DHX33: variants seen among roughly 807,000 people sequenced by gnomAD.
DHX33 encodes ATP-dependent RNA helicase DHX33.
Under a neutral mutation model 72.5 loss-of-function variants are expected in DHX33, and 42 were observed. The ratio of observed to expected loss-of-function variants is 0.58; its 90% CI spans 0.45 to 0.75. DHX33 has a LOEUF of 0.75. DHX33 is among the 30% of genes least tolerant of loss of function. The pLI is 0.00. For synonymous variants in DHX33, 358 were observed against 366.1 expected (o/e 0.98, Z 0.25); for missense variants, 842 against 917.5 (o/e 0.92, Z 1.06).
At chr17:5,467,336 G>T (rs1904916237) in intron 1 of DHX33, among the ~76,000 whole-genome samples, 1 of 152,126 alleles carries the variant, frequency 6.6e-6, no homozygotes, top group Admixed American at 6.5e-5. Flanking sequence ...CCGAGACCAG[G>T]AAACTCTCCA....
chr17:5,461,031 C>T lies in DHX33; in HGVS notation c.757G>A (p.Gly253Ser), dbSNP rs777974803. 8.1e-6 allele frequency: 13 copies of T among 1,612,698 alleles called. No individual in the cohort carries two copies. Among genetic ancestry groups the T allele is most frequent in the Admixed American group, 1.7e-5 (1 of 59,858 alleles). ...AACACCTGGATCGGATGCTGCCGAC[C>T]CTCTAGGTAGAGGACGGGGGCGCCA... Reference protein sequence around the residue: ...FNGAPVLYLEGRQHPIQVFYT... With the variant: ...FNGAPVLYLESRQHPIQVFYT... The change falls in exon 4 of 12, where the codon GGT becomes AGT. Residue 253 changes from glycine (G) to serine (S), a missense_variant. Gly to Ser is a moderately conservative substitution (Grantham distance 56). Coordinates refer to ENST00000225296, the MANE Select transcript of DHX33 (RefSeq NM_020162.4).
chr17:5,457,364 T>C (rs1042491614), intron 4 of DHX33, among the ~76,000 whole-genome samples: 4 of 151,388 alleles, frequency 2.6e-5, no homozygotes, highest in Admixed American at 6.6e-5. Context: ...GGCTCATGCC[T>C]GTAACCCCAG....
rs540954359 is a variant in DHX33 at position 5,460,888 on chromosome 17, C to T, written c.849+51G>A. ...TTTCAAGGCTCAATGTTCTCACTAC[C>T]AACTGCAAGATAAAAGAGAACTTTT... On this transcript the variant is annotated intron_variant, in intron 4 of 11. Coordinates refer to ENST00000225296, the MANE Select transcript of DHX33 (RefSeq NM_020162.4). 3 of 1,565,562 alleles carry T rather than the reference C, an allele frequency of 1.9e-6. No homozygotes were observed. The South Asian group carries it at 3.5e-5, about 18-fold the overall frequency.
In DHX33 at chr17:5,442,657, AAG is replaced by A. The variant is rs1389203887; in HGVS notation, c.*1546_*1547del. 3 of 152,298 alleles carry A rather than the reference AAG, an allele frequency of 2.0e-5. No individual in the cohort carries two copies. The highest frequency in any genetic ancestry group is 7.2e-5 in the African/African-American group (3 of 41,572). 9.4% of individuals were successfully genotyped at this position (152,298 alleles called of 1,614,324 possible). A position where few individuals can be genotyped will look rare whatever the true frequency, so the allele number is the denominator to read the frequency against. On this transcript the variant is annotated 3_prime_UTR_variant, in exon 12 of 12. Transcript: ENST00000225296. ...GCTCCATCAGGCCACAGCTTCCAGA[AAG>A]AGAGCATCCATGATCTCTGAAGAGC...
At position 5,444,477 on chromosome 17, in the gene DHX33, C is replaced by T; in HGVS notation, c.1852G>A (p.Glu618Lys). The T allele has an allele frequency of 1.2e-6, 2 of 1,614,142 alleles. No individual in the cohort carries two copies. The highest frequency in any genetic ancestry group is 1.7e-6 in the Non-Finnish European group (2 of 1,180,034). The change falls in exon 12 of 12, where the codon GAG becomes AAG. Residue 618 changes from glutamate (E) to lysine (K), a missense_variant. Transcript: ENST00000225296. This position sits in a 1 kb window ranked among gnomAD's most constrained non-coding sequence, Gnocchi z 4.9. ...TGAGCCAGGCAGCGGCGGACACTCT[C>T]CACGTCTCCTCGGGATGATGCGATT... is the stretch of plus-strand genomic sequence containing the variant. ...MPIASSRGDVESVRRCLAHSL... is the reference protein window; with the variant it reads ...MPIASSRGDVKSVRRCLAHSL...
At position 5,447,797 on chromosome 17, in the gene DHX33, G is replaced by C. The variant is rs533895944; in HGVS notation, c.1815+1012C>G. Among the ~76,000 whole-genome samples the C allele has an allele frequency of 1.2e-4, 18 of 152,242 alleles. No homozygotes were observed. The South Asian group carries it at 3.5e-3, about 30-fold the overall frequency. On this transcript the variant is annotated intron_variant, in intron 11 of 11. Coordinates refer to ENST00000225296, the MANE Select transcript of DHX33 (RefSeq NM_020162.4). Reference sequence around the variant, plus strand: ...ATTAGAGGCTTAAATAAACTGCACTGAATACAATGAAATGCTATGAAATCA... The same window carrying C: ...ATTAGAGGCTTAAATAAACTGCACTCAATACAATGAAATGCTATGAAATCA...
Position 5,461,936 on chromosome 17 carries a change from C to CTTT in DHX33, c.678+380_678+382dup, listed in dbSNP as rs35332211. Among the ~76,000 whole-genome samples the CTTT allele has an allele frequency of 3.3e-3, 376 of 113,654 alleles. 8 individuals are homozygous for CTTT. Among genetic ancestry groups the CTTT allele is most frequent in the African/African-American group, 8.3e-3 (225 of 27,242 alleles). 74.6% of individuals were successfully genotyped at this position (113,654 alleles called of 152,430 possible). A position where few individuals can be genotyped will look rare whatever the true frequency, so the allele number is the denominator to read the frequency against. Reference sequence around the variant, plus strand: ...AGTTATGCTATTTAATGAACTTTCACTTTTTTTTTTTTTTTTTTTTTGAGA... The same window carrying CTTT: ...AGTTATGCTATTTAATGAACTTTCACTTTTTTTTTTTTTTTTTTTTTTTTGAGA... On this transcript the variant is annotated intron_variant, in intron 3 of 11. Transcript: ENST00000225296.
intron 4 of DHX33, 151 bp from the exon 5 acceptor site, chr17:5,456,333 G>C: frequency 2.3e-6 from 2 of 882,022 alleles, no homozygotes. Flanking sequence ...AGCTTGGAGA[G>C]AACCCTTACC....
In DHX33 at chr17:5,442,932, C is replaced by T. The variant is rs1916487901; in HGVS notation, c.*1273G>A. On this transcript the variant is annotated 3_prime_UTR_variant, in exon 12 of 12. Coordinates refer to ENST00000225296, the MANE Select transcript of DHX33 (RefSeq NM_020162.4). Reference sequence around the variant, plus strand: ...ACAGACTGTGGATATCCTCCAATTCCCTCTGACAATGAGGGTTAGAGAGAG... The same window carrying T: ...ACAGACTGTGGATATCCTCCAATTCTCTCTGACAATGAGGGTTAGAGAGAG... 1 of 152,116 alleles carries T rather than the reference C, an allele frequency of 6.6e-6. No individual in the cohort carries two copies. Among genetic ancestry groups the T allele is most frequent in the Non-Finnish European group, 1.5e-5 (1 of 68,030 alleles). The allele number at this position is 152,116 out of a possible 1,614,324, so 9.4% of individuals were successfully genotyped here.
chr17:5,451,994 G>C lies in DHX33; in HGVS notation c.1397-1060C>G, dbSNP rs568243264. Among the ~76,000 whole-genome samples, 11 of 146,712 alleles carry C rather than the reference G, an allele frequency of 7.5e-5. No individual in the cohort carries two copies. The East Asian group carries it at 1.9e-3, about 26-fold the overall frequency. On this transcript the variant is annotated intron_variant, in intron 8 of 11. Coordinates refer to ENST00000225296, the MANE Select transcript of DHX33 (RefSeq NM_020162.4). The stretch of plus-strand genomic sequence containing the variant: ...TGGTTTAGGGATACATACGCATATA[G>C]TAAAACAGTGAAGAAAAGCAAGGCA...
rs1168376026 is a variant in DHX33 at position 5,443,808 on chromosome 17, C to T, written c.*397G>A. 3 of 161,932 alleles carry T rather than the reference C, an allele frequency of 1.9e-5. No individual in the cohort carries two copies. The highest frequency in any genetic ancestry group is 3.7e-5 in the Non-Finnish European group (3 of 81,026). The allele number at this position is 161,932 out of a possible 1,614,324, so 10.0% of individuals were successfully genotyped here. A position where few individuals can be genotyped will look rare whatever the true frequency, so the allele number is the denominator to read the frequency against. On this transcript the variant is annotated 3_prime_UTR_variant, in exon 12 of 12. Coordinates refer to ENST00000225296, the MANE Select transcript of DHX33 (RefSeq NM_020162.4). The stretch of plus-strand genomic sequence containing the variant: ...CAAGCAGTAACATTCAGCCTAACGG[C>T]TCCCAACTCACTGTACGTGTGTCGT...
chr17:5,457,370 C>T (rs182782601), intron 4 of DHX33, among the ~76,000 whole-genome samples: 25 of 151,708 alleles, frequency 1.6e-4, no homozygotes, highest in Middle Eastern at 3.4e-3. Flanking sequence ...TGCCTGTAAC[C>T]CCAGCACTTT....
At chr17:5,454,385 A>G (rs1323502479) in intron 6 of DHX33, among the ~76,000 whole-genome samples, 1 of 152,220 alleles carries the variant, frequency 6.6e-6, no homozygotes, top group Non-Finnish European at 1.5e-5. Flanking sequence ...CTATCAATCA[A>G]TGACTACGAA....
Position 5,444,642 on chromosome 17 carries a change from A to G in DHX33, c.1816-129T>C, listed in dbSNP as rs1309014878. 9.4e-6 allele frequency: 9 copies of G among 958,612 alleles called. No homozygotes were observed. The highest frequency in any genetic ancestry group is 1.6e-5 in the African/African-American group (1 of 60,944). The allele number at this position is 958,612 out of a possible 1,614,324, so 59.4% of individuals were successfully genotyped here. Reference sequence around the variant, plus strand: ...CCACATTGTGAGCCTAACGATGTGGATTCTGACATTCGGAGGTGGTCACCA... The same window carrying G: ...CCACATTGTGAGCCTAACGATGTGGGTTCTGACATTCGGAGGTGGTCACCA... On this transcript the variant is annotated intron_variant, in intron 11 of 11. Coordinates refer to ENST00000225296, the MANE Select transcript of DHX33 (RefSeq NM_020162.4). The surrounding 1 kb of genome is among the most constrained non-coding windows in gnomAD (Gnocchi z 4.9).
intron 11 of DHX33, among the ~76,000 whole-genome samples, chr17:5,445,463 G>A (rs996105561): frequency 6.6e-6 from 1 of 152,184 alleles, no homozygotes; most frequent in African/African-American, 2.4e-5. Flanking sequence ...TCCTATCTGT[G>A]CCTTCACATT....
At chr17:5,461,843 C>A (rs551351850) in intron 3 of DHX33, among the ~76,000 whole-genome samples, 2 of 150,144 alleles carry the variant, frequency 1.3e-5, no homozygotes, top group Admixed American at 6.6e-5. Flanking sequence ...GCCACCGTGC[C>A]GGGCCAATTA....
At position 5,462,468 on chromosome 17, in the gene DHX33, G is replaced by A. The variant is rs772458581; in HGVS notation, c.529C>T (p.Arg177Cys). ...IKFLTDGMLLREAISDSLLRK... is the reference protein window; with the variant it reads ...IKFLTDGMLLCEAISDSLLRK... ...AGCAAAGAGTCTGAAATTGCTTCAC[G>A]CAGAAGCATGCCATCTGTCAGAAAC... Residue 177 changes from arginine (R) to cysteine (C), a missense_variant, in exon 3 of 12, where the codon CGT (arginine) becomes TGT (cysteine). Physicochemically the swap from Arg to Cys is radical, Grantham distance 180 (BLOSUM62 -3). Transcript: ENST00000225296. The A allele has an allele frequency of 1.1e-5, 17 of 1,614,012 alleles. No individual in the cohort carries two copies. The highest frequency in any genetic ancestry group is 2.7e-5 in the African/African-American group (2 of 74,938).
chr17:5,448,553 T>C (rs1188930076), intron 11 of DHX33, among the ~76,000 whole-genome samples: 1 of 152,224 alleles, frequency 6.6e-6, no homozygotes, highest in Non-Finnish European at 1.5e-5. Flanking sequence ...TGGAAAATGC[T>C]TATAAAGATT....
rs192014491 is a variant in DHX33, at chr17:5,461,118, G to A, written c.679-9C>T. 82 of 1,597,692 alleles carry A rather than the reference G, an allele frequency of 5.1e-5. No individual in the cohort carries two copies. In the East Asian group the frequency reaches 1.6e-3, roughly 31 times the overall value. ...GCTGACATCACAATCACCTGCATAA[G>A]AGAACGAAGAGGAGGACCAGAAACA... On this transcript the variant is annotated splice_polypyrimidine_tract_variant and intron_variant, in intron 3 of 11. Transcript: ENST00000225296.
Sources: allele counts gnomAD v4.1 joint callset (sites outside exome capture counted in the v4.1 genomes callset), GRCh38; gene constraint gnomAD v4.1.1; non-coding constraint Gnocchi (gnomAD v3.1); transcripts MANE v1.5; gene names NCBI Gene and HGNC (gene_info 2026-07-23, HGNC 2026-07-21).